The following NCOA2 variants were observed in gnomAD, a reference collection of about 807,000 sequenced individuals.
NCOA2 encodes the protein nuclear receptor coactivator 2.
A neutral mutation model predicts 145.1 loss-of-function variants in NCOA2; 21 were observed. The observed-to-expected ratio is 0.14, with a 90% CI of 0.10 to 0.21. The LOEUF (loss-of-function observed/expected upper bound fraction) is 0.21. NCOA2 is among the 10% of genes least tolerant of loss of function. The probability of loss-of-function intolerance (pLI) is 1.00; values close to 1 mark genes in which losing one functional copy is unlikely to be tolerated. For missense variants in NCOA2, 1,472 were observed against 1,837.6 expected, an observed-to-expected ratio of 0.80 and a Z score of 3.64; for synonymous variants, 619 against 637.5, an observed-to-expected ratio of 0.97 and a Z score of 0.44.
At chr8:70,361,651 C>T (rs1300581757) in intron 1 of NCOA2, among the ~76,000 whole-genome samples, 2 of 152,168 alleles carry the variant, frequency 1.3e-5, no homozygotes, top group African/African-American at 4.8e-5. Flanking sequence ...TTGTCTTCAG[C>T]TTTCCCTAAA....
chr8:70,326,429 T>TCTCA (rs373326874), intron 1 of NCOA2, among the ~76,000 whole-genome samples: 25 of 149,242 alleles, frequency 1.7e-4, no homozygotes, highest in Middle Eastern at 6.9e-3. Context: ...TTTCTCTCTC[T>TCTCA]CACACACACA....
In NCOA2 at chr8:70,213,821, AAAGGGACTCTG is replaced by A. The variant is rs1222022831; in HGVS notation, c.259+71_259+81del. ...ATAATTTAAGCATAAGAAATGGATT[AAAGGGACTCTG>A]AAGGGACTTCTCACACAGGGAAAAA... On this transcript the variant is annotated intron_variant, in intron 4 of 22. Coordinates refer to ENST00000452400, the MANE Select transcript of NCOA2 (RefSeq NM_006540.4). 4.0e-4 allele frequency: 456 copies of A among 1,147,278 alleles called. 2 individuals carry two copies. The African/African-American group carries it at 6.1e-3, about 15-fold the overall frequency. The allele number at this position is 1,147,278 out of a possible 1,614,324, so 71.1% of individuals were successfully genotyped here.
intron 4 of NCOA2, among the ~76,000 whole-genome samples, chr8:70,185,610 G>GC: frequency 6.6e-6 from 1 of 152,294 alleles, no homozygotes; most frequent in African/African-American, 2.4e-5. Context: ...GGGTCATGGG[G>GC]CACGTGGTGG....
chr8:70,412,743 G>A, the NCOA2 span, among the ~76,000 whole-genome samples: 2 of 151,448 alleles, frequency 1.3e-5, no homozygotes, highest in African/African-American at 4.9e-5. Flanking sequence ...GTAAAAATTG[G>A]AATACAGATA....
At chr8:70,416,761 A>T in the NCOA2 span, among the ~76,000 whole-genome samples, 2 of 152,258 alleles carry the variant, frequency 1.3e-5, no homozygotes, top group Admixed American at 1.3e-4. Context: ...AGAGAGTGAG[A>T]GAGTGAGAAC....
At chr8:70,260,089 A>C (rs554880013) in intron 2 of NCOA2, among the ~76,000 whole-genome samples, 1 of 152,350 alleles carries the variant, frequency 6.6e-6, no homozygotes, top group East Asian at 1.9e-4. Flanking sequence ...AACAAAGTTA[A>C]AGCAAAATCA....
intron 2 of NCOA2, among the ~76,000 whole-genome samples, chr8:70,262,696 G>A (rs899770566): frequency 2.6e-5 from 4 of 152,218 alleles, no homozygotes; most frequent in Non-Finnish European, 5.9e-5. Flanking sequence ...AGTCAATGTG[G>A]GAGGAGGCAA....
chr8:70,118,145 C>T (rs1453593088), intron 22 of NCOA2, among the ~76,000 whole-genome samples: 1 of 152,160 alleles, frequency 6.6e-6, no homozygotes, highest in Non-Finnish European at 1.5e-5. Flanking sequence ...AAGGGTGAGG[C>T]AGGGAGGTCT....
chr8:70,304,942 G>A (rs546183487), intron 1 of NCOA2, among the ~76,000 whole-genome samples: 5 of 148,062 alleles, frequency 3.4e-5, no homozygotes, highest in South Asian at 2.1e-4. Context: ...CTGCAGCCTC[G>A]ACCTCCTGGG....
At chr8:70,296,883 G>C (rs558731260) in intron 1 of NCOA2, 83 bp from the exon 2 acceptor site, 1 of 152,130 alleles carries the variant, frequency 6.6e-6, no homozygotes, top group Non-Finnish European at 1.5e-5. Flanking sequence ...TTTTATAACC[G>C]ATTTTCAAAG....
Position 70,128,436 on chromosome 8 carries a change from T to G in NCOA2, c.3678A>C (p.Thr1226=), listed in dbSNP as rs1186187884. The G allele has an allele frequency of 6.2e-7, 1 of 1,611,564 alleles. No homozygotes were observed. The highest frequency in any genetic ancestry group is 1.7e-5 in the Admixed American group (1 of 59,722). ...AATGGCTGGTATGTTGCCTTACCTG[T>G]GTTGGTACTCCAGGCCTCAGAGTCA... The part of the protein sequence containing the change: ...VNLTLRPGVP[T]QAPINAQMLA... The change falls in exon 18 of 23, where the codon ACA becomes ACC. Residue 1226 remains threonine (T), a synonymous_variant. Coordinates refer to ENST00000452400, the MANE Select transcript of NCOA2 (RefSeq NM_006540.4).
At chr8:70,194,676 C>CTTTTTT (rs199803538) in intron 4 of NCOA2, among the ~76,000 whole-genome samples, 1 of 109,906 alleles carries the variant, frequency 9.1e-6, no homozygotes. Flanking sequence ...CTTTTATCTT[C>CTTTTTT]TTTTTTTTTT....
chr8:70,200,701 A>G (rs2133522754), intron 4 of NCOA2, among the ~76,000 whole-genome samples: 1 of 152,308 alleles, frequency 6.6e-6, no homozygotes, highest in South Asian at 2.1e-4. Context: ...TTCTACTTAC[A>G]CAAGGTAACT....
chr8:70,183,468 G>T (rs1016735851), intron 4 of NCOA2, among the ~76,000 whole-genome samples: 3 of 152,082 alleles, frequency 2.0e-5, no homozygotes, highest in African/African-American at 7.2e-5. Flanking sequence ...TAAGACTTTG[G>T]TCTTAGTTGT....
At chr8:70,231,871 G>A (rs1821170644) in intron 2 of NCOA2, among the ~76,000 whole-genome samples, 1 of 152,114 alleles carries the variant, frequency 6.6e-6, no homozygotes, top group Non-Finnish European at 1.5e-5. Context: ...TCACCAACAT[G>A]CAGCTTAATC....
At chr8:70,441,893 G>C in the NCOA2 span, among the ~76,000 whole-genome samples, 3 of 149,398 alleles carry the variant, frequency 2.0e-5, no homozygotes, top group Non-Finnish European at 4.4e-5. Flanking sequence ...GCCCCTGAGA[G>C]AATCTGCATT....
At chr8:70,318,306 T>C (rs1236054701) in intron 1 of NCOA2, among the ~76,000 whole-genome samples, 1 of 152,252 alleles carries the variant, frequency 6.6e-6, no homozygotes, top group Non-Finnish European at 1.5e-5. Flanking sequence ...GGCGGTTATT[T>C]TGAATAGGCT....
At chr8:70,153,881 G>A (rs1011325054) in intron 11 of NCOA2, among the ~76,000 whole-genome samples, 4 of 152,316 alleles carry the variant, frequency 2.6e-5, no homozygotes, top group Middle Eastern at 3.4e-3. Flanking sequence ...CACCCAAGAC[G>A]TTTATATAAT....
intron 1 of NCOA2, among the ~76,000 whole-genome samples, chr8:70,360,020 T>C (rs548062413): frequency 7.9e-5 from 12 of 152,300 alleles, no homozygotes; most frequent in South Asian, 2.1e-4. Context: ...GAGAAACAGA[T>C]ACAAAAACTT....
Sources: gnomAD v4.1 joint callset for allele counts (sites outside exome capture counted in the v4.1 genomes callset) on GRCh38, gnomAD v4.1.1 for gene constraint, MANE v1.5 for transcripts, NCBI Gene and HGNC (gene_info 2026-07-23, HGNC 2026-07-21) for gene names.